CCSER1: variants seen among roughly 807,000 people sequenced by gnomAD.
The protein encoded by CCSER1 is coiled-coil serine rich protein 1.
A neutral mutation model predicts 82.0 loss-of-function variants in CCSER1; 41 were observed. The ratio of observed to expected loss-of-function variants is 0.50; its 90% CI spans 0.39 to 0.65. CCSER1 has a LOEUF of 0.65. CCSER1 is among the 30% of genes least tolerant of loss of function. CCSER1 has a pLI of 0.00. For missense variants in CCSER1, 1,119 were observed against 1,064.2 expected (o/e 1.05, Z -0.72); for synonymous variants, 414 against 383.9 (o/e 1.08, Z -0.92).
At chr4:91,528,635 A>C (rs1466236449) in intron 10 of CCSER1, among the ~76,000 whole-genome samples, 4 of 152,138 alleles carry the variant, frequency 2.6e-5, no homozygotes, top group African/African-American at 7.2e-5. Context: ...TAGAGACAAT[A>C]TGTTTTTGTT....
intron 8 of CCSER1, among the ~76,000 whole-genome samples, chr4:90,839,888 AT>A (rs1762350187): frequency 6.6e-6 from 1 of 152,178 alleles, no homozygotes; most frequent in African/African-American, 2.4e-5. Context: ...TGATACATGA[AT>A]TGTATATTTA....
intron 10 of CCSER1, among the ~76,000 whole-genome samples, chr4:91,100,729 T>G (rs1028707878): frequency 6.6e-6 from 1 of 152,224 alleles, no homozygotes; most frequent in Non-Finnish European, 1.5e-5. Flanking sequence ...GTAAGCTGTT[T>G]TTCACATCCT....
chr4:90,266,145 A>G (rs1417626044), intron 1 of CCSER1, among the ~76,000 whole-genome samples: 1 of 152,304 alleles, frequency 6.6e-6, no homozygotes, highest in Admixed American at 6.5e-5. Flanking sequence ...ACTGACAGGA[A>G]CCACTATCAT....
At chr4:91,542,295 T>A (rs1298815724) in intron 10 of CCSER1, among the ~76,000 whole-genome samples, 1 of 152,222 alleles carries the variant, frequency 6.6e-6, no homozygotes, top group Non-Finnish European at 1.5e-5. Flanking sequence ...AGTCATGAAG[T>A]CCTTGTCCAT....
chr4:91,478,836 A>G (rs985428491), intron 10 of CCSER1, among the ~76,000 whole-genome samples: 1 of 151,872 alleles, frequency 6.6e-6, no homozygotes, highest in Non-Finnish European at 1.5e-5. Context: ...TTTAAGAAAT[A>G]TATAAAAATA....
rs1735526777 is a variant in CCSER1, at chr4:90,975,483, A to C, written c.2172+52036A>C. Among the ~76,000 whole-genome samples the C allele has an allele frequency of 4.0e-5, 6 of 151,242 alleles. No individual in the cohort carries two copies. The Admixed American group carries it at 4.0e-4, about 10-fold the overall frequency. ...AAATAATAAAAGAATGAAAGAACTG[A>C]AAGAGTGAATTTTATGGTATGTGAT... On this transcript the variant is annotated intron_variant, in intron 9 of 10. Coordinates refer to ENST00000509176, the MANE Select transcript of CCSER1 (RefSeq NM_001145065.2).
chr4:91,041,807 T>C (rs946636679), intron 9 of CCSER1, among the ~76,000 whole-genome samples: 1 of 152,196 alleles, frequency 6.6e-6, no homozygotes, highest in Non-Finnish European at 1.5e-5. Flanking sequence ...TGCCAAATCT[T>C]CTGTCCTCAG....
intron 1 of CCSER1, among the ~76,000 whole-genome samples, chr4:90,257,229 A>ATT (rs1232478066): frequency 3.5e-4 from 53 of 151,598 alleles, no homozygotes; most frequent in African/African-American, 1.2e-3. Flanking sequence ...ATATATATAT[A>ATT]GGTATATGTC....
At position 90,923,387 on chromosome 4, in the gene CCSER1, A is replaced by G; in HGVS notation, c.2112A>G (p.Leu704=). The change falls in exon 9 of 11, where the codon TTA becomes TTG. Residue 704 remains leucine (L), a synonymous_variant. Coordinates refer to ENST00000509176, the MANE Select transcript of CCSER1 (RefSeq NM_001145065.2). ...TTTTGCAGGGAAAAGTCCGGCATTTACAGAAGGCTTTTGCTTCAAGAGTAG... is the reference window on the plus strand; with the variant it reads ...TTTTGCAGGGAAAAGTCCGGCATTTGCAGAAGGCTTTTGCTTCAAGAGTAG... ...LQEELGKVRH[L]QKAFASRVDK... 6.4e-7 allele frequency: 1 copy of G among 1,551,420 alleles called. No homozygotes were observed.
intron 10 of CCSER1, among the ~76,000 whole-genome samples, chr4:91,533,619 T>C (rs977024994): frequency 6.6e-6 from 1 of 152,072 alleles, no homozygotes; most frequent in South Asian, 2.1e-4. Context: ...AATAATCAAA[T>C]ATAAAAATTG....
At chr4:90,266,960 T>C (rs1320575672) in intron 1 of CCSER1, among the ~76,000 whole-genome samples, 1 of 151,562 alleles carries the variant, frequency 6.6e-6, no homozygotes, top group Admixed American at 6.6e-5. Context: ...AAAGCAGAGA[T>C]ATAAGAATAA....
intron 10 of CCSER1, among the ~76,000 whole-genome samples, chr4:91,443,438 A>G (rs1418049747): frequency 6.9e-6 from 1 of 144,350 alleles, no homozygotes; most frequent in Non-Finnish European, 1.5e-5. Flanking sequence ...TCTCACTCAT[A>G]TGTGGGAATT....
intron 9 of CCSER1, among the ~76,000 whole-genome samples, chr4:90,937,480 A>AACACACACACACACACAC (rs148799317): frequency 0.038 from 5,519 of 146,054 alleles, 128 homozygotes; most frequent in East Asian, 0.089. Context: ...TCTAATTTGA[A>AACACACACACACACACAC]ACACACACAC....
At chr4:90,903,322 C>T (rs1464324640) in intron 8 of CCSER1, among the ~76,000 whole-genome samples, 1 of 151,966 alleles carries the variant, frequency 6.6e-6, no homozygotes, top group Non-Finnish European at 1.5e-5. Context: ...CAGGGGCTTC[C>T]ACTTTTGCAT....
chr4:90,863,278 C>T (rs1179670311), intron 8 of CCSER1, among the ~76,000 whole-genome samples: 10 of 151,790 alleles, frequency 6.6e-5, no homozygotes, highest in Admixed American at 5.3e-4. Context: ...AACATTTTTC[C>T]TTCTTTTATT....
intron 8 of CCSER1, among the ~76,000 whole-genome samples, chr4:90,900,992 G>A (rs1208355672): frequency 6.6e-6 from 1 of 151,750 alleles, no homozygotes. Context: ...GTATATTTAG[G>A]ATAGTTAAAT....
At chr4:90,782,741 G>A (rs1753965653) in intron 7 of CCSER1, among the ~76,000 whole-genome samples, 1 of 144,190 alleles carries the variant, frequency 6.9e-6, no homozygotes, top group African/African-American at 2.7e-5. Flanking sequence ...GAGTGCAGTG[G>A]CGCAATCTTG....
chr4:91,459,541 T>C (rs2149429260), intron 10 of CCSER1, among the ~76,000 whole-genome samples: 1 of 152,112 alleles, frequency 6.6e-6, no homozygotes, highest in Non-Finnish European at 1.5e-5. Flanking sequence ...CTCTCCAAGG[T>C]AGGGAGATGA....
At chr4:91,232,085 AT>A (rs1367212709) in intron 10 of CCSER1, among the ~76,000 whole-genome samples, 1 of 151,868 alleles carries the variant, frequency 6.6e-6, no homozygotes, top group African/African-American at 2.4e-5. Context: ...AAAAAGTTTT[AT>A]AATTTACTAT....
Sources: allele counts gnomAD v4.1 joint callset (sites outside exome capture counted in the v4.1 genomes callset), GRCh38; gene constraint gnomAD v4.1.1; transcripts MANE v1.5; gene names NCBI Gene and HGNC (gene_info 2026-07-23, HGNC 2026-07-21).